The following ENTREP2 variants were observed in gnomAD, a reference collection of about 807,000 sequenced individuals.
ENTREP2 encodes the protein endosomal transmembrane epsin interactor 2, also known as protein ENTREP2.
the ENTREP2 span, among the ~76,000 whole-genome samples, chr15:29,153,064 C>G: frequency 6.6e-6 from 1 of 151,506 alleles, no homozygotes; most frequent in Middle Eastern, 3.4e-3. Context: ...TTTTCATGTG[C>G]TTATTTGCCA....
the ENTREP2 span, chr15:29,375,810 C>G: frequency 2.6e-5 from 4 of 152,084 alleles, no homozygotes; most frequent in South Asian, 8.3e-4. Flanking sequence ...CTGTGAAGCA[C>G]AGAGAGCCAA....
At chr15:29,185,592 C>T in the ENTREP2 span, among the ~76,000 whole-genome samples, 17 of 152,022 alleles carry the variant, frequency 1.1e-4, no homozygotes, top group African/African-American at 4.1e-4. Flanking sequence ...GACAGAGTTT[C>T]GCTCTGTTCC....
chr15:29,496,172 C>T, the ENTREP2 span, among the ~76,000 whole-genome samples: 1 of 151,354 alleles, frequency 6.6e-6, no homozygotes, highest in Non-Finnish European at 1.5e-5. Context: ...GTAAATCAGA[C>T]TGATTTCTTA....
At chr15:29,488,082 G>A in the ENTREP2 span, among the ~76,000 whole-genome samples, 2 of 151,662 alleles carry the variant, frequency 1.3e-5, no homozygotes, top group Non-Finnish European at 2.9e-5. Context: ...CATTGTCCCT[G>A]AAGAAACACA....
the ENTREP2 span, among the ~76,000 whole-genome samples, chr15:29,388,969 T>TG: frequency 2.2e-3 from 77 of 34,512 alleles, no homozygotes; most frequent in Middle Eastern, 0.036. Flanking sequence ...TGTTGTGGGG[T>TG]GGGGGGAGGG....
the ENTREP2 span, among the ~76,000 whole-genome samples, chr15:29,292,899 G>C: frequency 6.6e-6 from 1 of 152,110 alleles, no homozygotes; most frequent in African/African-American, 2.4e-5. Context: ...CCAGATGCAG[G>C]CCAAATACAT....
the ENTREP2 span, chr15:29,126,159 G>T: frequency 2.2e-6 from 2 of 920,144 alleles, no homozygotes. Flanking sequence ...TGTGGCCCCA[G>T]ACAGGATCTG....
chr15:29,281,666 G>A, the ENTREP2 span, among the ~76,000 whole-genome samples: 40 of 152,258 alleles, frequency 2.6e-4, no homozygotes, highest in East Asian at 2.7e-3. Context: ...CGGCAACCCC[G>A]CTCTGGACTT....
the ENTREP2 span, among the ~76,000 whole-genome samples, chr15:29,473,831 A>G: frequency 2.0e-5 from 3 of 152,184 alleles, no homozygotes. Context: ...CCCGGGCTGA[A>G]TGCTGCTGCT....
the ENTREP2 span, among the ~76,000 whole-genome samples, chr15:29,355,760 A>G: frequency 6.6e-6 from 1 of 152,172 alleles, no homozygotes; most frequent in East Asian, 1.9e-4. Context: ...GGAAATATAT[A>G]TCACCCATGT....
chr15:29,657,873 CAT>C, the ENTREP2 span, among the ~76,000 whole-genome samples: 299 of 151,940 alleles, frequency 2.0e-3, 4 homozygotes, highest in African/African-American at 6.9e-3. Context: ...TGTATATATA[CAT>C]ATATATAATG....
the ENTREP2 span, among the ~76,000 whole-genome samples, chr15:29,674,138 G>C: frequency 1.3e-5 from 2 of 149,880 alleles, no homozygotes; most frequent in African/African-American, 2.5e-5. Flanking sequence ...TGGGGGGGGG[G>C]GGGGGCTTTG....
At chr15:29,364,737 A>T in the ENTREP2 span, among the ~76,000 whole-genome samples, 2 of 152,098 alleles carry the variant, frequency 1.3e-5, no homozygotes, top group South Asian at 2.1e-4. Flanking sequence ...AATTTTTTTT[A>T]ATTTAAAATT....
chr15:29,248,035 C>T, the ENTREP2 span, among the ~76,000 whole-genome samples: 2 of 152,168 alleles, frequency 1.3e-5, no homozygotes, highest in South Asian at 2.1e-4. Context: ...TCAATAGGCC[C>T]CACTATCCTC....
At chr15:29,657,455 T>C in the ENTREP2 span, among the ~76,000 whole-genome samples, 1 of 115,396 alleles carries the variant, frequency 8.7e-6, no homozygotes, top group Non-Finnish European at 1.7e-5. Context: ...AGTGGACCCC[T>C]GCGAGTTGCC....
the ENTREP2 span, among the ~76,000 whole-genome samples, chr15:29,233,344 T>A: frequency 6.6e-6 from 1 of 152,212 alleles, no homozygotes; most frequent in Non-Finnish European, 1.5e-5. Flanking sequence ...TAACTTATCC[T>A]ACATAAACAA....
At chr15:29,183,169 T>C in the ENTREP2 span, among the ~76,000 whole-genome samples, 1 of 152,052 alleles carries the variant, frequency 6.6e-6, no homozygotes, top group African/African-American at 2.4e-5. Flanking sequence ...CAACTTTGAG[T>C]GATGAGTCAC....
the ENTREP2 span, among the ~76,000 whole-genome samples, chr15:29,665,592 C>T: frequency 6.6e-6 from 1 of 152,174 alleles, no homozygotes; most frequent in Admixed American, 6.5e-5. Flanking sequence ...ATTTGGAGAG[C>T]TGCGCTGACT....
the ENTREP2 span, among the ~76,000 whole-genome samples, chr15:29,170,283 G>A: frequency 7.3e-6 from 1 of 136,396 alleles, no homozygotes; most frequent in African/African-American, 2.7e-5. Context: ...ACTCCAGCCT[G>A]GGTGACAGAG....
Sources: allele counts gnomAD v4.1 joint callset (sites outside exome capture counted in the v4.1 genomes callset), GRCh38; gene constraint gnomAD v4.1.1; transcripts MANE v1.5; gene names NCBI Gene and HGNC (gene_info 2026-07-23, HGNC 2026-07-21).